The following UNC5D variants were observed in gnomAD, a reference collection of about 807,000 sequenced individuals.
UNC5D encodes the protein netrin receptor UNC5D.
UNC5D carries 39 observed loss-of-function variants against 105.4 expected under a neutral mutation model. The observed-to-expected ratio is 0.37, with a 90% CI of 0.29 to 0.48. The LOEUF (loss-of-function observed/expected upper bound fraction) is 0.48, where lower values mean the gene tolerates loss of function less well. Ranked by LOEUF, UNC5D falls within the 20% of genes least tolerant of loss-of-function variation. The pLI is 0.98. For missense variants in UNC5D, 991 were observed against 1,202.4 expected (o/e 0.82, Z 2.60); for synonymous variants, 452 against 450.4 (o/e 1.00, Z -0.04).
In UNC5D at chr8:35,406,788, G is replaced by C. The variant is rs563647267; in HGVS notation, c.104-142504G>C. ...CTTGTTCAAGATCCTATAACTAGTT[G>C]GTGACAGTTAAGATTATAATCTCCT... is the stretch of plus-strand genomic sequence containing the variant. On this transcript the variant is annotated intron_variant, in intron 1 of 16. Transcript: ENST00000404895. Among the ~76,000 whole-genome samples, 16 of 152,200 alleles carry C rather than the reference G, an allele frequency of 1.1e-4. No homozygotes were observed. In the East Asian group the frequency reaches 2.9e-3, roughly 28 times the overall value.
chr8:35,239,685 C>T (rs1300301377), intron 1 of UNC5D, among the ~76,000 whole-genome samples: 2 of 152,026 alleles, frequency 1.3e-5, no homozygotes, highest in Admixed American at 6.6e-5. Flanking sequence ...ACACCTTTGC[C>T]ATTAATGCTG....
At chr8:35,242,143 C>A (rs1477129268) in intron 1 of UNC5D, among the ~76,000 whole-genome samples, 1 of 152,130 alleles carries the variant, frequency 6.6e-6, no homozygotes, top group Non-Finnish European at 1.5e-5. Context: ...ACAGGTACCC[C>A]CACCACTCCA....
intron 1 of UNC5D, among the ~76,000 whole-genome samples, chr8:35,291,445 C>T (rs764527853): frequency 6.6e-6 from 1 of 152,210 alleles, no homozygotes; most frequent in South Asian, 2.1e-4. Flanking sequence ...CACATGACAT[C>T]CTTGGTGTCT....
chr8:35,441,430 A>C (rs1807392384), intron 1 of UNC5D, among the ~76,000 whole-genome samples: 1 of 151,840 alleles, frequency 6.6e-6, no homozygotes, highest in African/African-American at 2.4e-5. Flanking sequence ...TGTAGTATAG[A>C]TATGGTTTGC....
intron 1 of UNC5D, among the ~76,000 whole-genome samples, chr8:35,439,446 C>T (rs1400351244): frequency 3.9e-5 from 6 of 152,052 alleles, no homozygotes; most frequent in Non-Finnish European, 7.4e-5. Context: ...ATAAACATTT[C>T]GTGCCATTCT....
At chr8:35,624,153 G>T (rs186044486) in intron 4 of UNC5D, among the ~76,000 whole-genome samples, 3 of 151,990 alleles carry the variant, frequency 2.0e-5, no homozygotes, top group African/African-American at 4.8e-5. Flanking sequence ...CACAGATCAC[G>T]CATGTTGTGA....
intron 7 of UNC5D, among the ~76,000 whole-genome samples, chr8:35,688,161 C>A (rs533675368): frequency 2.4e-4 from 36 of 147,946 alleles, no homozygotes; most frequent in Middle Eastern, 3.5e-3. Flanking sequence ...ACAACAACAA[C>A]AAAAAAAAAC....
chr8:35,525,537 G>T, intron 1 of UNC5D: 8 of 1,612,348 alleles, frequency 5.0e-6, no homozygotes, highest in African/African-American at 1.3e-5. Flanking sequence ...TAGGGGAGGA[G>T]GGGTTTCTGT....
chr8:35,552,492 A>G (rs756982708), intron 2 of UNC5D, among the ~76,000 whole-genome samples: 7 of 152,244 alleles, frequency 4.6e-5, no homozygotes, highest in Non-Finnish European at 8.8e-5. Context: ...CATGTGTATC[A>G]TCCTATACAT....
intron 1 of UNC5D, among the ~76,000 whole-genome samples, chr8:35,435,951 CA>C (rs1806980954): frequency 6.6e-6 from 1 of 151,932 alleles, no homozygotes; most frequent in Admixed American, 6.6e-5. Context: ...AAGCATTTAT[CA>C]AACTCTTAGA....
Position 35,385,343 on chromosome 8 carries a change from C to T in UNC5D, c.103+149456C>T, listed in dbSNP as rs1252056109. On this transcript the variant is annotated intron_variant, in intron 1 of 16. Coordinates refer to ENST00000404895, the MANE Select transcript of UNC5D (RefSeq NM_080872.4). ...ATTCCGCACACAAACTCTGGTAGCA[C>T]CTAGTTAAGATTCTTCTGCTATCTG... is the stretch of plus-strand genomic sequence containing the variant. 2.0e-5 allele frequency among the ~76,000 whole-genome samples: 3 copies of T among 152,182 alleles called. No individual in the cohort carries two copies. The East Asian group carries it at 5.8e-4, about 29-fold the overall frequency.
intron 4 of UNC5D, among the ~76,000 whole-genome samples, chr8:35,682,844 T>C (rs1204280506): frequency 6.6e-6 from 1 of 152,204 alleles, no homozygotes; most frequent in Non-Finnish European, 1.5e-5. Flanking sequence ...GGGAGTACCC[T>C]GTGCTCAGAG....
chr8:35,240,403 ATACT>A (rs1290147960), intron 1 of UNC5D, among the ~76,000 whole-genome samples: 3 of 152,352 alleles, frequency 2.0e-5, no homozygotes, highest in African/African-American at 4.8e-5. Flanking sequence ...AATAATAGTA[ATACT>A]TATTAGTAAT....
chr8:35,434,184 G>A (rs2128977721), intron 1 of UNC5D, among the ~76,000 whole-genome samples: 1 of 152,164 alleles, frequency 6.6e-6, no homozygotes, highest in African/African-American at 2.4e-5. Flanking sequence ...GCTCAAAATT[G>A]ACAGTAAATT....
rs140054036 is a variant in UNC5D at position 35,533,789 on chromosome 8, G to A, written c.104-15503G>A. Among the ~76,000 whole-genome samples the A allele has an allele frequency of 5.4e-3, 822 of 152,266 alleles. 9 individuals carry two copies. Among genetic ancestry groups the A allele is most frequent in the African/African-American group, 0.018 (768 of 41,564 alleles). On this transcript the variant is annotated intron_variant, in intron 1 of 16. Transcript: ENST00000404895. ...AGCCGGTCTGAAAAGCACAATATTC[G>A]GGTGGGAGTAACCCGATTTTCCAAG...
intron 1 of UNC5D, among the ~76,000 whole-genome samples, chr8:35,511,712 TAAC>T (rs1299799054): frequency 6.7e-6 from 1 of 149,802 alleles, no homozygotes; most frequent in Non-Finnish European, 1.5e-5. Flanking sequence ...AAAAATAGAT[TAAC>T]AATAGCTGAT....
intron 1 of UNC5D, among the ~76,000 whole-genome samples, chr8:35,524,973 T>C (rs1453290587): frequency 6.9e-6 from 1 of 144,276 alleles, no homozygotes; most frequent in Non-Finnish European, 1.5e-5. Context: ...GTTAGTCAAG[T>C]AATGATTCAA....
intron 1 of UNC5D, among the ~76,000 whole-genome samples, chr8:35,281,577 C>T (rs1390958636): frequency 6.6e-6 from 1 of 152,090 alleles, no homozygotes; most frequent in East Asian, 1.9e-4. Context: ...GTAGCTGGGA[C>T]TGCAGGCATG....
At chr8:35,359,281 G>A (rs553019215) in intron 1 of UNC5D, among the ~76,000 whole-genome samples, 14 of 152,334 alleles carry the variant, frequency 9.2e-5, no homozygotes, top group Admixed American at 2.0e-4. Context: ...CAGTGTGACC[G>A]TGTGGCTTCT....
Sources: allele counts gnomAD v4.1 joint callset (sites outside exome capture counted in the v4.1 genomes callset), GRCh38; gene constraint gnomAD v4.1.1; transcripts MANE v1.5; gene names NCBI Gene and HGNC (gene_info 2026-07-23, HGNC 2026-07-21).